Variants in ROR1 observed in about 807,000 individuals in gnomAD.
ROR1 encodes the protein ROR family WNT receptor 1, also known as inactive tyrosine-protein kinase transmembrane receptor ROR1.
ROR1 carries 19 observed loss-of-function variants against 78.8 expected under a neutral mutation model. The ratio of observed to expected loss-of-function variants is 0.24; its 90% CI spans 0.17 to 0.35. The LOEUF (loss-of-function observed/expected upper bound fraction) is 0.35, where lower values mean the gene tolerates loss of function less well. Ranked by LOEUF, ROR1 falls within the 10% of genes least tolerant of loss-of-function variation. The pLI, the probability that ROR1 is intolerant of heterozygous loss-of-function variation, is 1.00. For synonymous variants in ROR1, 386 were observed against 433.6 expected (o/e 0.89, Z 1.36); for missense variants, 917 against 1,177.8 (o/e 0.78, Z 3.24).
chr1:63,933,068 T>G (rs1194680747), intron 1 of ROR1, among the ~76,000 whole-genome samples: 1 of 152,158 alleles, frequency 6.6e-6, no homozygotes, highest in Non-Finnish European at 1.5e-5. Flanking sequence ...AATTGACTTG[T>G]GTTGAAAATT....
chr1:63,909,721 A>G (rs11208316), intron 1 of ROR1, among the ~76,000 whole-genome samples: 3,728 of 152,178 alleles, frequency 0.024, 156 homozygotes, highest in African/African-American at 0.085. Context: ...TTTTAAATAT[A>G]TAAAGTCAAT....
chr1:63,960,604 C>T (rs1646020052), intron 1 of ROR1, among the ~76,000 whole-genome samples: 1 of 152,156 alleles, frequency 6.6e-6, no homozygotes, highest in African/African-American at 2.4e-5. Flanking sequence ...TGACCAGACA[C>T]TTGTGTAAGT....
intron 4 of ROR1, among the ~76,000 whole-genome samples, chr1:64,107,209 G>A (rs1023170402): frequency 4.6e-5 from 7 of 152,118 alleles, no homozygotes; most frequent in African/African-American, 1.7e-4. Flanking sequence ...TTCAGTAGTT[G>A]TTGCCCCCAT....
chr1:64,138,244 T>G (rs1278231015), intron 5 of ROR1, among the ~76,000 whole-genome samples: 1 of 152,218 alleles, frequency 6.6e-6, no homozygotes, highest in Non-Finnish European at 1.5e-5. Flanking sequence ...TCACATTGTC[T>G]TCATGACATT....
intron 1 of ROR1, among the ~76,000 whole-genome samples, chr1:63,854,527 C>A (rs929298662): frequency 1.3e-5 from 2 of 152,192 alleles, no homozygotes; most frequent in African/African-American, 4.8e-5. Flanking sequence ...CTTCTATTTC[C>A]TTTCCCTAGT....
At chr1:63,973,638 A>C (rs184089270) in intron 1 of ROR1, among the ~76,000 whole-genome samples, 1 of 152,276 alleles carries the variant, frequency 6.6e-6, no homozygotes, top group East Asian at 1.9e-4. Flanking sequence ...GGGTGGCTCA[A>C]AATACAATTT....
intron 1 of ROR1, among the ~76,000 whole-genome samples, chr1:63,812,337 T>C (rs582041): frequency 0.21 from 31,666 of 152,174 alleles, 8,945 homozygotes; most frequent in African/African-American, 0.64. Flanking sequence ...TCATCTGTGA[T>C]TGCTTCCATG....
At chr1:64,044,831 C>A in intron 2 of ROR1, among the ~76,000 whole-genome samples, 1 of 152,124 alleles carries the variant, frequency 6.6e-6, no homozygotes, top group Non-Finnish European at 1.5e-5. Context: ...TAGAATTTTG[C>A]GAAACTTTTA....
rs114602512 is a variant in ROR1 at position 64,087,982 on chromosome 1, C to T, written c.482+37266C>T. Among the ~76,000 whole-genome samples, 617 of 152,256 alleles carry T rather than the reference C, an allele frequency of 4.1e-3. 7 individuals carry two copies. Among genetic ancestry groups the T allele is most frequent in the African/African-American group, 0.014 (566 of 41,550 alleles). On this transcript the variant is annotated intron_variant, in intron 4 of 8. Coordinates refer to ENST00000371079, the MANE Select transcript of ROR1 (RefSeq NM_005012.4). ...TGTGGATGCTTGTGTTTATTTGATG[C>T]AAGGCTCCTGCTTTCGTTGGGGATT...
intron 1 of ROR1, among the ~76,000 whole-genome samples, chr1:63,847,120 G>A (rs747824981): frequency 1.3e-4 from 20 of 152,218 alleles, no homozygotes; most frequent in Non-Finnish European, 2.6e-4. Flanking sequence ...GGGAAACAGT[G>A]AGGGGAAATC....
At chr1:64,000,912 T>C (rs1410896434) in intron 1 of ROR1, among the ~76,000 whole-genome samples, 3 of 152,256 alleles carry the variant, frequency 2.0e-5, no homozygotes, top group African/African-American at 2.4e-5. Flanking sequence ...TTTAGAGCCA[T>C]GGCTTATTTT....
At chr1:64,044,852 C>T (rs77680726) in intron 2 of ROR1, among the ~76,000 whole-genome samples, 201 of 152,260 alleles carry the variant, frequency 1.3e-3, no homozygotes, top group African/African-American at 4.7e-3. Context: ...GCCACCATCA[C>T]GAGCTTGACA....
chr1:64,052,505 C>T (rs1646840979), intron 4 of ROR1, among the ~76,000 whole-genome samples: 1 of 152,148 alleles, frequency 6.6e-6, no homozygotes, highest in African/African-American at 2.4e-5. Context: ...TCATTCTTCA[C>T]TGCTGTCCTT....
At chr1:63,997,416 G>A (rs1268831250) in intron 1 of ROR1, among the ~76,000 whole-genome samples, 4 of 152,178 alleles carry the variant, frequency 2.6e-5, no homozygotes, top group East Asian at 3.8e-4. Context: ...TTTGAAAGAC[G>A]TTCAAGAGGT....
At chr1:64,056,597 A>G (rs1297578854) in intron 4 of ROR1, among the ~76,000 whole-genome samples, 2 of 150,838 alleles carry the variant, frequency 1.3e-5, no homozygotes, top group African/African-American at 4.9e-5. Flanking sequence ...AATCACTTGA[A>G]CCCAGGAGGC....
intron 4 of ROR1, among the ~76,000 whole-genome samples, chr1:64,086,122 A>G (rs1276747519): frequency 2.0e-5 from 3 of 152,128 alleles, no homozygotes; most frequent in African/African-American, 7.2e-5. Flanking sequence ...TAACAACTGC[A>G]TTTTTACTGC....
intron 1 of ROR1, among the ~76,000 whole-genome samples, chr1:63,999,190 A>G (rs544340736): frequency 2.6e-4 from 39 of 152,324 alleles, no homozygotes; most frequent in East Asian, 1.2e-3. Flanking sequence ...TCTGTTTCCA[A>G]TAGAAGGCTC....
rs555164055 is a variant in ROR1 at position 63,962,187 on chromosome 1, G to A, written c.92-47118G>A. Among the ~76,000 whole-genome samples the A allele has an allele frequency of 2.1e-4, 32 of 152,276 alleles. 1 individual carries two copies. The South Asian group carries it at 6.6e-3, about 32-fold the overall frequency. On this transcript the variant is annotated intron_variant, in intron 1 of 8. Coordinates refer to ENST00000371079, the MANE Select transcript of ROR1 (RefSeq NM_005012.4). The stretch of plus-strand genomic sequence containing the variant: ...AGGTTCAAGGATTGCTTGAGCCCAG[G>A]AGGCAGAGGTTGCTGTGAGCTGAGA...
chr1:63,872,609 G>T (rs1645259278), intron 1 of ROR1, among the ~76,000 whole-genome samples: 1 of 152,108 alleles, frequency 6.6e-6, no homozygotes, highest in Admixed American at 6.6e-5. Flanking sequence ...TTTGTCCAAG[G>T]CCACCCAGCC....
Sources: allele counts gnomAD v4.1 joint callset (sites outside exome capture counted in the v4.1 genomes callset), GRCh38; gene constraint gnomAD v4.1.1; transcripts MANE v1.5; gene names NCBI Gene and HGNC (gene_info 2026-07-23, HGNC 2026-07-21).